The following LRP1B variants were observed in gnomAD, a reference collection of about 807,000 sequenced individuals.
The protein encoded by LRP1B is low-density lipoprotein receptor-related protein 1B.
LRP1B carries 217 observed loss-of-function variants against 556.6 expected under a neutral mutation model. The ratio of observed to expected loss-of-function variants is 0.39; its 90% CI spans 0.35 to 0.44. LRP1B has a LOEUF of 0.44. LRP1B is among the 20% of genes least tolerant of loss of function. The pLI is 1.00. For synonymous variants in LRP1B, 2,047 were observed against 1,865.8 expected (o/e 1.10, Z -2.50); for missense variants, 5,053 against 5,620.8 (o/e 0.90, Z 3.23).
intron 41 of LRP1B, among the ~76,000 whole-genome samples, chr2:140,686,281 A>G (rs904088776): frequency 6.6e-6 from 1 of 152,104 alleles, no homozygotes; most frequent in Admixed American, 6.6e-5. Flanking sequence ...AGAAAATATA[A>G]ATCAGTGTTT....
At chr2:141,590,319 A>C (rs1027127582) in intron 2 of LRP1B, among the ~76,000 whole-genome samples, 2 of 152,172 alleles carry the variant, frequency 1.3e-5, no homozygotes, top group Non-Finnish European at 2.9e-5. Flanking sequence ...TCTTGCTGAG[A>C]TTACCACCCT....
intron 3 of LRP1B, among the ~76,000 whole-genome samples, chr2:141,465,588 C>T (rs555402309): frequency 2.7e-5 from 4 of 147,670 alleles, no homozygotes; most frequent in East Asian, 2.0e-4. Flanking sequence ...CTGGCTCTAT[C>T]GCCCAGGCTG....
intron 1 of LRP1B, among the ~76,000 whole-genome samples, chr2:141,831,644 G>T: frequency 6.6e-6 from 1 of 151,528 alleles, no homozygotes; most frequent in East Asian, 1.9e-4. Context: ...GACATTTGGG[G>T]CATTTTTATG....
At chr2:140,845,910 A>G (rs1207360619) in intron 29 of LRP1B, among the ~76,000 whole-genome samples, 3 of 152,212 alleles carry the variant, frequency 2.0e-5, no homozygotes, top group Non-Finnish European at 4.4e-5. Flanking sequence ...AAAGTCCAAC[A>G]CATAAATTAG....
intron 27 of LRP1B, among the ~76,000 whole-genome samples, chr2:140,853,899 C>T (rs1164598784): frequency 1.3e-5 from 2 of 151,554 alleles, no homozygotes; most frequent in Non-Finnish European, 2.9e-5. Context: ...TAAGGAATCG[C>T]AAGTTAGAGA....
intron 25 of LRP1B, among the ~76,000 whole-genome samples, chr2:140,869,831 G>A (rs1354398408): frequency 6.6e-6 from 1 of 152,044 alleles, no homozygotes; most frequent in Non-Finnish European, 1.5e-5. Flanking sequence ...CAAATTTCAG[G>A]AGCTTAAAAT....
intron 2 of LRP1B, among the ~76,000 whole-genome samples, chr2:141,612,805 A>T (rs535825987): frequency 6.6e-6 from 1 of 152,152 alleles, no homozygotes; most frequent in East Asian, 1.9e-4. Flanking sequence ...TTCACCTTGT[A>T]TTAAGTATAT....
At chr2:140,738,347 G>A (rs1688018997) in intron 35 of LRP1B, among the ~76,000 whole-genome samples, 1 of 152,056 alleles carries the variant, frequency 6.6e-6, no homozygotes, top group South Asian at 2.1e-4. Flanking sequence ...GCAGGGAAGA[G>A]GCCTACAGGA....
At chr2:142,003,327 A>G (rs1191395944) in intron 1 of LRP1B, among the ~76,000 whole-genome samples, 2 of 152,238 alleles carry the variant, frequency 1.3e-5, no homozygotes, top group African/African-American at 2.4e-5. Flanking sequence ...GGCTGGGCCA[A>G]TGGGTAATTT....
chr2:142,035,757 T>C (rs1416498433), intron 1 of LRP1B, among the ~76,000 whole-genome samples: 5 of 151,670 alleles, frequency 3.3e-5, no homozygotes, highest in Non-Finnish European at 7.4e-5. Flanking sequence ...TCCTCCCAGA[T>C]AACAGAATGT....
chr2:142,112,449 T>C (rs1392826191), intron 1 of LRP1B, among the ~76,000 whole-genome samples: 1 of 151,880 alleles, frequency 6.6e-6, no homozygotes, highest in African/African-American at 2.4e-5. Flanking sequence ...TAAAAAGCCA[T>C]AAAAGATAGA....
intron 75 of LRP1B, among the ~76,000 whole-genome samples, chr2:140,353,677 A>T (rs181418884): frequency 1.3e-5 from 2 of 152,016 alleles, no homozygotes; most frequent in Non-Finnish European, 2.9e-5. Context: ...TAGTTTCTCC[A>T]GTTTTTGCTC....
intron 71 of LRP1B, among the ~76,000 whole-genome samples, chr2:140,369,717 A>G (rs1682910904): frequency 1.3e-5 from 2 of 151,892 alleles, no homozygotes; most frequent in African/African-American, 4.8e-5. Context: ...CAGGTTTGGG[A>G]TGGAGATATT....
chr2:141,699,746 C>A (rs980120350), intron 2 of LRP1B, among the ~76,000 whole-genome samples: 1 of 150,558 alleles, frequency 6.6e-6, no homozygotes, highest in Admixed American at 6.7e-5. Flanking sequence ...TTTGAAATGG[C>A]CTTTCCAGTA....
At chr2:140,258,775 A>AAAAC (rs1330548015) in intron 86 of LRP1B, among the ~76,000 whole-genome samples, 1 of 152,162 alleles carries the variant, frequency 6.6e-6, no homozygotes, top group Non-Finnish European at 1.5e-5. Flanking sequence ...CAAACAAAAC[A>AAAAC]ATGTGGAGTC....
intron 43 of LRP1B, among the ~76,000 whole-genome samples, chr2:140,572,708 C>A (rs944434241): frequency 1.9e-4 from 28 of 150,712 alleles, no homozygotes; most frequent in Non-Finnish European, 3.9e-4. Flanking sequence ...TCACAATAGC[C>A]GAAATACAGA....
chr2:141,958,037 C>A (rs1169931702), intron 1 of LRP1B, among the ~76,000 whole-genome samples: 3 of 152,014 alleles, frequency 2.0e-5, no homozygotes, highest in Non-Finnish European at 4.4e-5. Context: ...CACTGAAGAG[C>A]TTGAAAATTT....
intron 1 of LRP1B, among the ~76,000 whole-genome samples, chr2:142,029,804 C>A (rs193021251): frequency 9.1e-4 from 138 of 151,980 alleles, no homozygotes; most frequent in African/African-American, 3.2e-3. Context: ...CTAAATTCTT[C>A]ATGGTTTCTG....
intron 2 of LRP1B, among the ~76,000 whole-genome samples, chr2:141,584,296 A>T (rs1459388757): frequency 6.6e-6 from 1 of 152,076 alleles, no homozygotes; most frequent in African/African-American, 2.4e-5. Context: ...TCTAGGAAAG[A>T]GCTGAGATGG....
Sources: allele counts gnomAD v4.1 joint callset (sites outside exome capture counted in the v4.1 genomes callset), GRCh38; gene constraint gnomAD v4.1.1; transcripts MANE v1.5; gene names NCBI Gene and HGNC (gene_info 2026-07-23, HGNC 2026-07-21).